The following CRTAC1 variants were observed in gnomAD, a reference collection of about 807,000 sequenced individuals.
The protein encoded by CRTAC1 is cartilage acidic protein 1.
Under a neutral mutation model 67.8 loss-of-function variants are expected in CRTAC1, and 37 were observed. The ratio of observed to expected loss-of-function variants is 0.55; its 90% CI spans 0.42 to 0.72. The LOEUF is 0.72. Ranked by LOEUF, CRTAC1 falls within the 30% of genes least tolerant of loss-of-function variation. CRTAC1 has a pLI of 0.00. For missense variants in CRTAC1, 780 were observed against 931.6 expected, an observed-to-expected ratio of 0.84 and a Z score of 2.12; for synonymous variants, 348 against 371.0, an observed-to-expected ratio of 0.94 and a Z score of 0.71.
chr10:97,959,531 G>C (rs1315914721), intron 2 of CRTAC1, among the ~76,000 whole-genome samples: 1 of 152,210 alleles, frequency 6.6e-6, no homozygotes, highest in African/African-American at 2.4e-5. Context: ...CTGAGTTTTG[G>C]GTTGGATGAA....
intron 2 of CRTAC1, among the ~76,000 whole-genome samples, chr10:97,980,905 G>A (rs530058899): frequency 5.3e-5 from 8 of 152,196 alleles, no homozygotes; most frequent in Non-Finnish European, 8.8e-5. Flanking sequence ...TCTGGAAAGC[G>A]CATTTCAGAA....
chr10:98,009,555 G>A (rs1169136144), intron 2 of CRTAC1, among the ~76,000 whole-genome samples: 1 of 152,248 alleles, frequency 6.6e-6, no homozygotes. Flanking sequence ...GATGAGGAAA[G>A]TGGGTCTGTG....
intron 2 of CRTAC1, among the ~76,000 whole-genome samples, chr10:97,994,765 A>C (rs1842523313): frequency 1.3e-5 from 2 of 152,232 alleles, no homozygotes; most frequent in Admixed American, 6.5e-5. Flanking sequence ...TAGTGGCCAA[A>C]GGGCTACTTT....
intron 2 of CRTAC1, among the ~76,000 whole-genome samples, chr10:97,985,837 A>G (rs542014864): frequency 3.5e-4 from 53 of 152,230 alleles, no homozygotes; most frequent in African/African-American, 1.2e-3. Flanking sequence ...CACCCATCCC[A>G]GCCTGTCCTG....
intron 1 of CRTAC1, among the ~76,000 whole-genome samples, chr10:98,028,096 GGCACCAA>G (rs1201541378): frequency 6.6e-6 from 1 of 152,148 alleles, no homozygotes; most frequent in East Asian, 1.9e-4. Context: ...AGAACACAGC[GGCACCAA>G]GCACAAAGGA....
chr10:97,933,027 C>A (rs887853685), intron 3 of CRTAC1, among the ~76,000 whole-genome samples: 2 of 152,220 alleles, frequency 1.3e-5, no homozygotes, highest in Admixed American at 1.3e-4. Context: ...TTCCACAGGT[C>A]GCTCTAACAC....
intron 6 of CRTAC1, among the ~76,000 whole-genome samples, chr10:97,907,066 A>G (rs1317136402): frequency 6.6e-6 from 1 of 152,180 alleles, no homozygotes; most frequent in Non-Finnish European, 1.5e-5. Flanking sequence ...GGATGCAATC[A>G]TACATCCGAA....
chr10:97,876,140 G>T (rs1013293116), intron 14 of CRTAC1, among the ~76,000 whole-genome samples: 1 of 152,134 alleles, frequency 6.6e-6, no homozygotes. Context: ...TGTGGCTTTT[G>T]CTTAAACCAA....
At chr10:98,012,007 A>T (rs141116353) in intron 1 of CRTAC1, among the ~76,000 whole-genome samples, 1 of 152,280 alleles carries the variant, frequency 6.6e-6, no homozygotes, top group Non-Finnish European at 1.5e-5. Context: ...GGAATATGTG[A>T]CTTGGCAGGT....
intron 11 of CRTAC1, among the ~76,000 whole-genome samples, chr10:97,889,437 G>T (rs1227988082): frequency 6.9e-6 from 1 of 145,456 alleles, no homozygotes; most frequent in Non-Finnish European, 1.5e-5. Context: ...GGGTGAAGAG[G>T]GGCTGTGGAA....
Position 97,865,093 on chromosome 10 carries a change from T to C in CRTAC1, c.*455A>G, listed in dbSNP as rs965644962. 3.9e-5 allele frequency: 6 copies of C among 154,892 alleles called. No homozygotes were observed. Among genetic ancestry groups the C allele is most frequent in the Non-Finnish European group, 7.1e-5 (5 of 69,940 alleles). 9.6% of individuals were successfully genotyped at this position (154,892 alleles called of 1,614,324 possible). A position where few individuals can be genotyped will look rare whatever the true frequency, so the allele number is the denominator to read the frequency against. On this transcript the variant is annotated 3_prime_UTR_variant, in exon 15 of 15. Coordinates refer to ENST00000370597, the MANE Select transcript of CRTAC1 (RefSeq NM_018058.7). ...TGCCAAGTGTCTTACATACATTTAA[T>C]CTAATCTCCACACTAACCCCAAGAT...
intron 1 of CRTAC1, among the ~76,000 whole-genome samples, chr10:98,017,243 C>A (rs1172957162): frequency 1.3e-5 from 2 of 152,140 alleles, no homozygotes; most frequent in East Asian, 1.9e-4. Context: ...TAAAACCCAG[C>A]CTTTGCCTTC....
intron 2 of CRTAC1, among the ~76,000 whole-genome samples, chr10:97,986,476 A>T (rs1017486997): frequency 7.9e-5 from 12 of 152,174 alleles, no homozygotes; most frequent in African/African-American, 2.9e-4. Flanking sequence ...GAACTTTCAA[A>T]AACAACCTTG....
intron 3 of CRTAC1, among the ~76,000 whole-genome samples, chr10:97,930,063 C>T (rs2050981172): frequency 6.6e-6 from 1 of 152,222 alleles, no homozygotes; most frequent in Non-Finnish European, 1.5e-5. Context: ...GGCACTTTGC[C>T]CACATCAGCT....
intron 14 of CRTAC1, among the ~76,000 whole-genome samples, chr10:97,878,143 G>T (rs2050168364): frequency 6.6e-6 from 1 of 152,250 alleles, no homozygotes; most frequent in African/African-American, 2.4e-5. Context: ...AAGGGCTCCA[G>T]CCCTGGCCTG....
chr10:97,961,840 A>G lies in CRTAC1; in HGVS notation c.225-25474T>C, dbSNP rs543732501. On this transcript the variant is annotated intron_variant, in intron 2 of 14. Coordinates refer to ENST00000370597, the MANE Select transcript of CRTAC1 (RefSeq NM_018058.7). The stretch of plus-strand genomic sequence containing the variant: ...GCTTGCAGCTAGGAGTTCAAGACCA[A>G]TGCTCCATGCATTGATCCCACTCCT... 1.8e-4 allele frequency among the ~76,000 whole-genome samples: 27 copies of G among 152,290 alleles called. No individual in the cohort carries two copies. The South Asian group carries it at 5.4e-3, about 30-fold the overall frequency.
chr10:97,975,076 A>C lies in CRTAC1; in HGVS notation c.224+36062T>G, dbSNP rs909575361. On this transcript the variant is annotated intron_variant, in intron 2 of 14. Coordinates refer to ENST00000370597, the MANE Select transcript of CRTAC1 (RefSeq NM_018058.7). The surrounding 1 kb of genome is among the most constrained non-coding windows in gnomAD (Gnocchi z 4.8). The stretch of plus-strand genomic sequence containing the variant: ...GGGATCGATTCCCGGGTGGCGGTGG[A>C]GGGCCGGCCCGGGAGGAGCGGCGGA... Among the ~76,000 whole-genome samples, 73 of 151,996 alleles carry C rather than the reference A, an allele frequency of 4.8e-4. 1 individual carries two copies. The highest frequency in any genetic ancestry group is 1.0e-4 in the Non-Finnish European group (7 of 67,978).
At position 97,892,892 on chromosome 10, in the gene CRTAC1, A is replaced by T. The variant is rs537684966; in HGVS notation, c.1486+2353T>A. 7.3e-4 allele frequency among the ~76,000 whole-genome samples: 111 copies of T among 152,232 alleles called. 1 individual carries two copies. Among genetic ancestry groups the T allele is most frequent in the East Asian group, 1.2e-3 (6 of 5,174 alleles). On this transcript the variant is annotated intron_variant, in intron 11 of 14. Coordinates refer to ENST00000370597, the MANE Select transcript of CRTAC1 (RefSeq NM_018058.7). Reference sequence around the variant, plus strand: ...CAGGCTCTGGGTCCCCTAAATATTTATTGCTTCTTTTTCAGACTACACATA... The same window carrying T: ...CAGGCTCTGGGTCCCCTAAATATTTTTTGCTTCTTTTTCAGACTACACATA...
chr10:97,952,398 C>T (rs960034115), intron 2 of CRTAC1, among the ~76,000 whole-genome samples: 1 of 146,990 alleles, frequency 6.8e-6, no homozygotes, highest in African/African-American at 2.5e-5. Context: ...ATTAGTGAGG[C>T]GAGTTGGTGG....
Sources: gnomAD v4.1 joint callset for allele counts (sites outside exome capture counted in the v4.1 genomes callset) on GRCh38, gnomAD v4.1.1 for gene constraint, Gnocchi (gnomAD v3.1) non-coding constraint, MANE v1.5 for transcripts, NCBI Gene and HGNC (gene_info 2026-07-23, HGNC 2026-07-21) for gene names.